The following PRKDC variants were observed in gnomAD, a reference collection of about 807,000 sequenced individuals.
PRKDC encodes protein kinase, DNA-activated, catalytic subunit, also known as DNA-dependent protein kinase catalytic subunit.
Under a neutral mutation model 486.9 loss-of-function variants are expected in PRKDC, and 82 were observed. The observed-to-expected ratio is 0.17, with a 90% CI of 0.14 to 0.20. PRKDC has a LOEUF of 0.20. Among genes scored for constraint, PRKDC ranks in the 10% least tolerant of loss-of-function variants. PRKDC has a pLI of 1.00. For missense variants in PRKDC, 4,504 were observed against 5,038.2 expected (o/e 0.89, Z 3.21); for synonymous variants, 1,895 against 1,837.0 (o/e 1.03, Z -0.81).
intron 49 of PRKDC, among the ~76,000 whole-genome samples, chr8:47,856,943 A>C (rs2088555319): frequency 6.6e-6 from 1 of 152,240 alleles, no homozygotes; most frequent in South Asian, 2.1e-4. Context: ...CTTCATAATA[A>C]AAGCAAGGTC....
chr8:47,902,495 G>T, intron 27 of PRKDC, 74 bp downstream of exon 27: 2 of 1,037,468 alleles, frequency 1.9e-6, no homozygotes, highest in East Asian at 2.7e-5. Flanking sequence ...TATGACACAC[G>T]GATACACAGA....
intron 63 of PRKDC, among the ~76,000 whole-genome samples, chr8:47,824,255 C>T (rs1361018861): frequency 1.3e-5 from 2 of 151,954 alleles, no homozygotes; most frequent in Non-Finnish European, 2.9e-5. Context: ...TGGCGGCTCA[C>T]CTGAGGTCAG....
chr8:47,872,586 A>G (rs1364143162), intron 40 of PRKDC, among the ~76,000 whole-genome samples: 2 of 152,102 alleles, frequency 1.3e-5, no homozygotes, highest in Non-Finnish European at 2.9e-5. Context: ...AAATAAAGGG[A>G]TGAAAAAAGA....
chr8:47,830,876 C>G, intron 60 of PRKDC, 140 bp from the exon 61 acceptor site: 1 of 963,506 alleles, frequency 1.0e-6, no homozygotes, highest in Non-Finnish European at 1.6e-6. Flanking sequence ...GCTCAGTCGC[C>G]GTACTTTACC....
At chr8:47,936,235 TA>T in intron 12 of PRKDC, 117 bp downstream of exon 12, 2 of 1,187,626 alleles carry the variant, frequency 1.7e-6, no homozygotes, top group Non-Finnish European at 1.2e-6. Flanking sequence ...AAGTACTAAC[TA>T]AAACTGTCAT....
intron 26 of PRKDC, among the ~76,000 whole-genome samples, chr8:47,903,589 A>C (rs1043865994): frequency 6.6e-6 from 1 of 152,202 alleles, no homozygotes; most frequent in Non-Finnish European, 1.5e-5. Flanking sequence ...GTGGTGATGC[A>C]GGGAAGAGCA....
In PRKDC at chr8:47,799,232, G is replaced by A. The variant is rs1589703906; in HGVS notation, c.10275C>T (p.Arg3425=). Residue 3425 remains arginine (R), a synonymous_variant, in exon 72 of 86, where the codon CGC becomes CGT. Coordinates refer to ENST00000314191, the MANE Select transcript of PRKDC (RefSeq NM_006904.7). Reference sequence around the variant, plus strand: ...CACCTGATGCATTCTCTTCCTCCTTGCGCAGCTGTTGGTCACAGAAATCTG... The same window carrying A: ...CACCTGATGCATTCTCTTCCTCCTTACGCAGCTGTTGGTCACAGAAATCTG... ...TLADFCDQQL[R]KEEENASVID... 6.2e-7 allele frequency: 1 copy of A among 1,613,682 alleles called. No individual in the cohort carries two copies. Among genetic ancestry groups the A allele is most frequent in the African/African-American group, 1.3e-5 (1 of 74,988 alleles).
At chr8:47,894,863 A>T (rs1229187112) in intron 30 of PRKDC, among the ~76,000 whole-genome samples, 1 of 152,114 alleles carries the variant, frequency 6.6e-6, no homozygotes, top group East Asian at 1.9e-4. Flanking sequence ...TGGGGTCAGG[A>T]CTCAAGACTA....
chr8:47,945,093 A>T (rs948095422), intron 7 of PRKDC, among the ~76,000 whole-genome samples: 1 of 152,234 alleles, frequency 6.6e-6, no homozygotes, highest in Non-Finnish European at 1.5e-5. Flanking sequence ...GCAAGTGTGC[A>T]GACACAAGGA....
In PRKDC at chr8:47,807,233, C is replaced by T; in HGVS notation, c.9651G>A (p.Arg3217=). The T allele has an allele frequency of 1.2e-6, 2 of 1,613,886 alleles. No individual in the cohort carries two copies. The highest frequency in any genetic ancestry group is 1.7e-6 in the Non-Finnish European group (2 of 1,179,856). ...CTTCTTCCTGCTCTTGCACTTCCAT[C>T]CTGTCACTGGGGTCTCCATCTTGAT... The part of the protein sequence containing the change: ...NVDQDGDPSD[R]MEVQEQEEDI... Residue 3217 remains arginine, a synonymous_variant, in exon 69 of 86, where the codon AGG becomes AGA. Transcript: ENST00000314191.
intron 72 of PRKDC, among the ~76,000 whole-genome samples, chr8:47,798,711 C>T (rs1158668294): frequency 6.6e-6 from 1 of 152,136 alleles, no homozygotes; most frequent in Non-Finnish European, 1.5e-5. Context: ...AATATTGAAG[C>T]TGCAAGCAAA....
At chr8:47,831,128 C>T (rs909139630) in intron 60 of PRKDC, among the ~76,000 whole-genome samples, 1 of 152,174 alleles carries the variant, frequency 6.6e-6, no homozygotes, top group African/African-American at 2.4e-5. Flanking sequence ...AGCTGCAGAG[C>T]CCAAAGCTCC....
In PRKDC at chr8:47,852,687, T is replaced by A; in HGVS notation, c.6991A>T (p.Met2331Leu). ...EVLGLILRYV[M>L]ERKNILEESL... is the part of the protein sequence containing the mutation. ...AGCACACTCACGTTTTTTCTCTCCA[T>A]AACATATCGAAGTATAAGTCCTAGA... The change falls in exon 52 of 86, where the codon ATG becomes TTG. Residue 2331 changes from methionine to leucine, a missense_variant. Around this residue, in one of 6 missense-constraint regions of PRKDC, gnomAD observed 1,592 missense variants for 1,724.6 expected, o/e 0.92. Coordinates refer to ENST00000314191, the MANE Select transcript of PRKDC (RefSeq NM_006904.7). 1 of 1,569,052 alleles carries A rather than the reference T, an allele frequency of 6.4e-7. No homozygotes were observed.
chr8:47,826,695 C>T lies in PRKDC; in HGVS notation c.8744G>A (p.Arg2915His), dbSNP rs370540517. Residue 2915 changes from arginine (R) to histidine (H), a missense_variant, in exon 63 of 86, where the codon CGC becomes CAC. Physicochemically the swap from Arg to His is conservative, Grantham distance 29. Coordinates refer to ENST00000314191, the MANE Select transcript of PRKDC (RefSeq NM_006904.7). Reference sequence around the variant, plus strand: ...CCATCTGAGGACATCAGGAGGGAGGCGGGCCTTCCCACGGACTCGCTTGGC... The same window carrying T: ...CCATCTGAGGACATCAGGAGGGAGGTGGGCCTTCCCACGGACTCGCTTGGC... ...LPAKRVRGKA[R>H]LPPDVLRWVE... is the part of the protein sequence containing the mutation. 2.4e-5 allele frequency: 39 copies of T among 1,612,962 alleles called. No individual in the cohort carries two copies. The highest frequency in any genetic ancestry group is 2.2e-4 in the South Asian group (20 of 91,022).
At chr8:47,958,114 A>G (rs938081942) in intron 1 of PRKDC, among the ~76,000 whole-genome samples, 4 of 152,208 alleles carry the variant, frequency 2.6e-5, no homozygotes, top group Non-Finnish European at 5.9e-5. Flanking sequence ...AGGCCCTTAA[A>G]GTAAGGAGAT....
At chr8:47,826,226 C>T (rs1472221219) in intron 63 of PRKDC, among the ~76,000 whole-genome samples, 2 of 152,226 alleles carry the variant, frequency 1.3e-5, no homozygotes, top group African/African-American at 4.8e-5. Flanking sequence ...AAAATGGAAT[C>T]TGTTTATCCC....
intron 68 of PRKDC, among the ~76,000 whole-genome samples, chr8:47,808,071 T>C (rs909231079): frequency 6.6e-6 from 1 of 152,214 alleles, no homozygotes; most frequent in African/African-American, 2.4e-5. Flanking sequence ...TGTTGAGCCA[T>C]TTTGCTCCTT....
intron 3 of PRKDC, among the ~76,000 whole-genome samples, chr8:47,956,365 C>T (rs1008351137): frequency 1.3e-5 from 2 of 150,898 alleles, no homozygotes; most frequent in Non-Finnish European, 2.9e-5. Flanking sequence ...CTGTGGTTCA[C>T]GCCTATAATC....
In PRKDC at chr8:47,834,212, C is replaced by T; in HGVS notation, c.8136G>A (p.Val2712=). 2 of 1,613,994 alleles carry T rather than the reference C, an allele frequency of 1.2e-6. No homozygotes were observed. The change falls in exon 59 of 86, where the codon GTG becomes GTA. Residue 2712 remains valine (V), a synonymous_variant. Coordinates refer to ENST00000314191, the MANE Select transcript of PRKDC (RefSeq NM_006904.7). The stretch of plus-strand genomic sequence containing the variant: ...CCAGCTTACCTTTCACTTTGTTATC[C>T]ACCTCGTCCCCTGGAAGGCCCAGCC... The part of the protein sequence containing the change: ...KKRLGLPGDE[V]DNKVKGAAGR...
Sources: gnomAD v4.1 joint callset for allele counts (sites outside exome capture counted in the v4.1 genomes callset) on GRCh38, gnomAD v4.1.1 for gene constraint, gnomAD v4.1.1 regional missense constraint, MANE v1.5 for transcripts, NCBI Gene and HGNC (gene_info 2026-07-23, HGNC 2026-07-21) for gene names.